The following DAB1 variants were observed in gnomAD, a reference collection of about 807,000 sequenced individuals.
DAB1 encodes disabled homolog 1.
In DAB1, 15 loss-of-function variants were observed where a neutral mutation model predicts 64.6. That is an observed-to-expected ratio of 0.23 (90% confidence interval 0.16 to 0.36). The LOEUF is 0.36. Among genes scored for constraint, DAB1 ranks in the 10% least tolerant of loss-of-function variants. The pLI is 1.00. For missense variants in DAB1, 596 were observed against 706.7 expected, an observed-to-expected ratio of 0.84 and a Z score of 1.78; for synonymous variants, 235 against 251.9, an observed-to-expected ratio of 0.93 and a Z score of 0.64.
At chr1:58,294,865 CGTGTGT>C (rs55922554) in intron 4 of DAB1, among the ~76,000 whole-genome samples, 17,015 of 137,654 alleles carry the variant, frequency 0.12, 1,375 homozygotes, top group African/African-American at 0.23. Context: ...TGGTCCAGAA[CGTGTGT>C]GTGTGTGTGT....
At chr1:58,141,252 G>T (rs1654267828) in intron 5 of DAB1, among the ~76,000 whole-genome samples, 1 of 152,188 alleles carries the variant, frequency 6.6e-6, no homozygotes, top group Non-Finnish European at 1.5e-5. Flanking sequence ...CATGGCTGGG[G>T]AGGCCTCACA....
chr1:57,370,964 C>A (rs1190085681), intron 1 of DAB1, among the ~76,000 whole-genome samples: 1 of 152,232 alleles, frequency 6.6e-6, no homozygotes, highest in Non-Finnish European at 1.5e-5. Flanking sequence ...CTGCTGTCCC[C>A]TGACTTTTTT....
At chr1:57,680,327 T>C (rs1646621966) in intron 6 of DAB1, among the ~76,000 whole-genome samples, 1 of 152,248 alleles carries the variant, frequency 6.6e-6, no homozygotes, top group Non-Finnish European at 1.5e-5. Flanking sequence ...TTGCAAGTTT[T>C]GTGCCTTAAA....
intron 5 of DAB1, among the ~76,000 whole-genome samples, chr1:58,146,833 C>T (rs1470195850): frequency 6.6e-6 from 1 of 152,074 alleles, no homozygotes; most frequent in Admixed American, 6.5e-5. Context: ...ATCCATCCAT[C>T]CATCCATCAA....
intron 4 of DAB1, among the ~76,000 whole-genome samples, chr1:58,219,025 C>CTCTCTGTG (rs376130413): frequency 0.012 from 1,500 of 129,508 alleles, 15 homozygotes; most frequent in East Asian, 0.016. Flanking sequence ...CTCTCTCTCT[C>CTCTCTGTG]TGTGTGTGTG....
intron 4 of DAB1, among the ~76,000 whole-genome samples, chr1:58,218,989 TTCTCTCTCTCTC>T (rs1049058578): frequency 7.9e-6 from 1 of 125,932 alleles, no homozygotes; most frequent in African/African-American, 3.3e-5. Context: ...ATTCTGGCCA[TTCTCTCTCTCTC>T]TCTCTCTCTC....
rs559047201 is a variant in DAB1, at chr1:58,058,534, A to G, written n.387+91977T>C. On this transcript the variant is annotated intron_variant and non_coding_transcript_variant, in intron 5 of 20. Transcript: ENST00000485760. ...GTTTTCCCAGTCATCAAGAAGGTGC[A>G]ATTGATTCAAAGTGTTAATATTTGC... Among the ~76,000 whole-genome samples, 9 of 152,288 alleles carry G rather than the reference A, an allele frequency of 5.9e-5. No individual in the cohort carries two copies. In the South Asian group the frequency reaches 1.9e-3, roughly 32 times the overall value.
intron 4 of DAB1, among the ~76,000 whole-genome samples, chr1:58,158,183 C>T (rs1261321354): frequency 6.6e-6 from 1 of 152,148 alleles, no homozygotes; most frequent in East Asian, 1.9e-4. Flanking sequence ...ACCTTATGCA[C>T]TGAGCCACAG....
intron 7 of DAB1, among the ~76,000 whole-genome samples, chr1:57,457,042 G>C (rs1050952001): frequency 6.6e-6 from 1 of 152,110 alleles, no homozygotes; most frequent in East Asian, 1.9e-4. Flanking sequence ...TGAATTCTGC[G>C]AGGCCCCATT....
intron 7 of DAB1, among the ~76,000 whole-genome samples, chr1:57,452,305 T>C (rs560051394): frequency 6.6e-6 from 1 of 151,814 alleles, no homozygotes; most frequent in Non-Finnish European, 1.5e-5. Context: ...GCTTGGAATA[T>C]TGACTCATAG....
chr1:57,414,071 C>T (rs1684318162), intron 1 of DAB1, among the ~76,000 whole-genome samples: 1 of 152,184 alleles, frequency 6.6e-6, no homozygotes. Flanking sequence ...AGTGAAGATG[C>T]TGTGAAGATT....
chr1:57,895,349 A>C (rs916499966), intron 5 of DAB1, among the ~76,000 whole-genome samples: 1 of 152,210 alleles, frequency 6.6e-6, no homozygotes, highest in Non-Finnish European at 1.5e-5. Context: ...TAATTTGCCC[A>C]AGGTCACACA....
At chr1:57,653,771 A>G (rs1646283979) in intron 6 of DAB1, among the ~76,000 whole-genome samples, 1 of 151,908 alleles carries the variant, frequency 6.6e-6, no homozygotes, top group Admixed American at 6.6e-5. Flanking sequence ...CACCACCACG[A>G]TCGGCTAATT....
At chr1:58,409,328 A>T (rs1221686818) in intron 3 of DAB1, among the ~76,000 whole-genome samples, 8 of 152,256 alleles carry the variant, frequency 5.3e-5, no homozygotes, top group African/African-American at 1.9e-4. Context: ...ATATGCACAA[A>T]GTAATAGAGC....
chr1:57,937,425 C>T lies in DAB1; in HGVS notation n.388-53263G>A, dbSNP rs891872457. On this transcript the variant is annotated intron_variant and non_coding_transcript_variant, in intron 5 of 20. Transcript: ENST00000485760. ...GCTCATGAGAGAAGGCAAAGCTGAG[C>T]TAGAGTTGCATTTCTGTAATAGGCC... 4.6e-5 allele frequency among the ~76,000 whole-genome samples: 7 copies of T among 152,042 alleles called. No homozygotes were observed. In the South Asian group the frequency reaches 1.5e-3, roughly 32 times the overall value.
intron 4 of DAB1, among the ~76,000 whole-genome samples, chr1:58,238,810 T>C (rs748495000): frequency 1.3e-5 from 2 of 152,302 alleles, no homozygotes; most frequent in South Asian, 4.1e-4. Flanking sequence ...ACAGCATCAC[T>C]GTAGCCCCAT....
intron 3 of DAB1, among the ~76,000 whole-genome samples, chr1:58,443,979 A>T (rs1296982392): frequency 6.6e-6 from 1 of 152,242 alleles, no homozygotes; most frequent in Non-Finnish European, 1.5e-5. Context: ...TGAAGGTTAT[A>T]ATAATGTCCC....
intron 9 of DAB1, among the ~76,000 whole-genome samples, chr1:57,055,026 G>A (rs888434057): frequency 1.3e-5 from 2 of 152,114 alleles, no homozygotes; most frequent in Non-Finnish European, 2.9e-5. Flanking sequence ...ATCCTTCAAG[G>A]CTTTGCTCAA....
At chr1:58,208,436 C>T (rs1183150424) in intron 4 of DAB1, among the ~76,000 whole-genome samples, 1 of 152,138 alleles carries the variant, frequency 6.6e-6, no homozygotes, top group African/African-American at 2.4e-5. Flanking sequence ...GTTTTTATCA[C>T]TCACCCCTTG....
Sources: gnomAD v4.1 joint callset for allele counts (sites outside exome capture counted in the v4.1 genomes callset) on GRCh38, gnomAD v4.1.1 for gene constraint, MANE v1.5 for transcripts, NCBI Gene and HGNC (gene_info 2026-07-23, HGNC 2026-07-21) for gene names.